Variants in AKAP13 observed in about 807,000 individuals in gnomAD.
The protein encoded by AKAP13 is A-kinase anchor protein 13.
In AKAP13, 80 loss-of-function variants were observed where a neutral mutation model predicts 264.5. That is an observed-to-expected ratio of 0.30 (90% CI 0.25 to 0.36). AKAP13 has a LOEUF of 0.36. Ranked by LOEUF, AKAP13 falls within the 10% of genes least tolerant of loss-of-function variation. AKAP13 has a pLI of 1.00. For synonymous variants in AKAP13, 1,380 were observed against 1,250.2 expected (o/e 1.10, Z -2.19); for missense variants, 3,712 against 3,435.2 (o/e 1.08, Z -2.01).
intron 1 of AKAP13, chr15:85,415,198 C>G: frequency 7.1e-7 from 1 of 1,407,658 alleles, no homozygotes. Flanking sequence ...GCAGACCCCG[C>G]TCTGCACGCC....
At chr15:85,401,377 G>A (rs2071414186) in intron 1 of AKAP13, among the ~76,000 whole-genome samples, 2 of 152,246 alleles carry the variant, frequency 1.3e-5, no homozygotes, top group South Asian at 2.1e-4. Flanking sequence ...TTTTGAGGAC[G>A]TCTCCTCTGC....
intron 8 of AKAP13, among the ~76,000 whole-genome samples, chr15:85,602,409 C>A (rs931700075): frequency 2.0e-5 from 3 of 151,708 alleles, no homozygotes; most frequent in Admixed American, 6.6e-5. Flanking sequence ...CTCCTGATCT[C>A]AGGTGATCCT....
chr15:85,663,252 G>T (rs1351694832), intron 12 of AKAP13, among the ~76,000 whole-genome samples: 12 of 151,524 alleles, frequency 7.9e-5, no homozygotes, highest in African/African-American at 2.9e-4. Context: ...GGAGGTAGCA[G>T]TGAGCCAAGG....
At chr15:85,394,734 G>A (rs1051034826) in intron 1 of AKAP13, among the ~76,000 whole-genome samples, 1 of 152,172 alleles carries the variant, frequency 6.6e-6, no homozygotes, top group Non-Finnish European at 1.5e-5. Context: ...GTGTGACCTT[G>A]AGCAGGTAGG....
chr15:85,658,518 C>G lies in AKAP13; in HGVS notation c.4746-19C>G. On this transcript the variant is annotated intron_variant, in intron 11 of 36. Coordinates refer to ENST00000394518, the MANE Select transcript of AKAP13 (RefSeq NM_007200.5). The stretch of plus-strand genomic sequence containing the variant: ...TTTGTTTCACCTGCAACACTGACCT[C>G]TTCACCATTCATTTTCAGTTCAATG... The G allele has an allele frequency of 6.2e-7, 1 of 1,613,432 alleles. No individual in the cohort carries two copies. Among genetic ancestry groups the G allele is most frequent in the South Asian group, 1.1e-5 (1 of 91,000 alleles).
chr15:85,722,303 C>T lies in AKAP13; in HGVS notation c.6452C>T (p.Thr2151Ile). 2 of 1,613,564 alleles carry T rather than the reference C, an allele frequency of 1.2e-6. No individual in the cohort carries two copies. The highest frequency in any genetic ancestry group is 1.7e-6 in the Non-Finnish European group (2 of 1,179,782). ...ATATTGCTTGTAACTCAGCGGATTA[C>T]CAAGTACCCAGTTTTATTCCAAAGA... is the stretch of plus-strand genomic sequence containing the variant. The part of the protein sequence containing the change: ...ECILLVTQRI[T>I]KYPVLFQRIL... The change falls in exon 25 of 37, where the codon ACC becomes ATC. Residue 2151 changes from threonine to isoleucine, a missense_variant. Coordinates refer to ENST00000394518, the MANE Select transcript of AKAP13 (RefSeq NM_007200.5).
chr15:85,548,448 C>T (rs547271398), intron 5 of AKAP13, among the ~76,000 whole-genome samples: 1 of 152,090 alleles, frequency 6.6e-6, no homozygotes, highest in Non-Finnish European at 1.5e-5. Flanking sequence ...GGTAGAACTG[C>T]TTACGGATTA....
intron 1 of AKAP13, among the ~76,000 whole-genome samples, chr15:85,459,008 A>T (rs1326990764): frequency 1.3e-5 from 2 of 152,214 alleles, no homozygotes; most frequent in Non-Finnish European, 2.9e-5. Flanking sequence ...CATAAACTAT[A>T]TCACTTTTGT....
intron 16 of AKAP13, chr15:85,685,142 C>G: frequency 3.3e-6 from 1 of 305,530 alleles, no homozygotes; most frequent in Non-Finnish European, 6.0e-6. Context: ...TGTTATCTCT[C>G]TTTTCTAAAA....
chr15:85,640,825 A>G (rs2082274381), intron 9 of AKAP13, among the ~76,000 whole-genome samples: 1 of 152,198 alleles, frequency 6.6e-6, no homozygotes, highest in Admixed American at 6.5e-5. Context: ...TAGGAAGGAA[A>G]GATCTCCACA....
At chr15:85,693,248 A>G (rs1170288639) in intron 16 of AKAP13, 29 bp from the exon 17 acceptor site, 4 of 1,575,294 alleles carry the variant, frequency 2.5e-6, no homozygotes, top group Non-Finnish European at 3.4e-6. Context: ...TGTTCAATTA[A>G]CTGTGGATTA....
chr15:85,475,605 T>A (rs2075132903), intron 1 of AKAP13, among the ~76,000 whole-genome samples: 1 of 152,232 alleles, frequency 6.6e-6, no homozygotes, highest in Non-Finnish European at 1.5e-5. Context: ...AGTTATATGA[T>A]GTTGAATTCC....
chr15:85,643,137 AT>A (rs1343563967), intron 9 of AKAP13, among the ~76,000 whole-genome samples: 10 of 147,564 alleles, frequency 6.8e-5, no homozygotes, highest in Admixed American at 1.4e-4. Flanking sequence ...GACTAAGGTG[AT>A]TTTTTTTTTA....
chr15:85,619,434 A>T, intron 8 of AKAP13: 1 of 985,338 alleles, frequency 1.0e-6, no homozygotes, highest in Non-Finnish European at 1.2e-6. Flanking sequence ...TTTCAACTTA[A>T]ATCAAAACCA....
intron 2 of AKAP13, among the ~76,000 whole-genome samples, chr15:85,486,377 G>A (rs1482910495): frequency 1.3e-5 from 2 of 152,062 alleles, no homozygotes; most frequent in Non-Finnish European, 2.9e-5. Context: ...AATTGTATAG[G>A]TTTAGTTAGC....
intron 31 of AKAP13, 80 bp from the exon 32 acceptor site, chr15:85,735,480 A>G: frequency 6.9e-6 from 10 of 1,444,120 alleles, no homozygotes; most frequent in Non-Finnish European, 9.5e-6. Context: ...CTACATCCCC[A>G]AGATGCCTAT....
intron 9 of AKAP13, among the ~76,000 whole-genome samples, chr15:85,642,916 T>G (rs1160015709): frequency 6.6e-6 from 1 of 151,820 alleles, no homozygotes; most frequent in Non-Finnish European, 1.5e-5. Flanking sequence ...TATTTTTCCC[T>G]CAACCATGGA....
At chr15:85,672,699 T>C (rs796731427) in intron 14 of AKAP13, among the ~76,000 whole-genome samples, 4 of 152,252 alleles carry the variant, frequency 2.6e-5, no homozygotes, top group African/African-American at 4.8e-5. Context: ...ACTGAAACTC[T>C]CTGCATCAAT....
chr15:85,572,669 A>AT (rs1045304854), intron 5 of AKAP13, among the ~76,000 whole-genome samples: 56 of 150,764 alleles, frequency 3.7e-4, no homozygotes, highest in Non-Finnish European at 5.3e-4. Context: ...TAAAAAAAAA[A>AT]TTTTTTTTTT....
Sources: allele counts gnomAD v4.1 joint callset (sites outside exome capture counted in the v4.1 genomes callset), GRCh38; gene constraint gnomAD v4.1.1; transcripts MANE v1.5; gene names NCBI Gene and HGNC (gene_info 2026-07-23, HGNC 2026-07-21).